MXRA7: variants seen among roughly 807,000 people sequenced by gnomAD.
MXRA7 encodes matrix remodeling associated 7.
MXRA7 carries 18 observed loss-of-function variants against 17.4 expected under a neutral mutation model. The observed-to-expected ratio is 1.03, with a 90% confidence interval of 0.71 to 1.53. The LOEUF (loss-of-function observed/expected upper bound fraction) is 1.53. Ranked by LOEUF, MXRA7 falls within the 40% of genes most tolerant of loss-of-function variation. The pLI is 0.00. For missense variants in MXRA7, 141 were observed against 209.3 expected, an observed-to-expected ratio of 0.67 and a Z score of 2.01; for synonymous variants, 70 against 101.7, an observed-to-expected ratio of 0.69 and a Z score of 1.87.
chr17:76,690,031 AAGG>A (rs2076462071), intron 1 of MXRA7: 1 of 151,810 alleles, frequency 6.6e-6, no homozygotes, highest in Admixed American at 6.6e-5. Flanking sequence ...AAAAAAAAAA[AAGG>A]AGGCGTTGAT....
At chr17:76,702,234 C>T (rs1020699365) in intron 1 of MXRA7, among the ~76,000 whole-genome samples, 3 of 152,214 alleles carry the variant, frequency 2.0e-5, no homozygotes, top group African/African-American at 7.2e-5. Context: ...GGGCTGGGCA[C>T]AGCAATTCAC....
intron 1 of MXRA7, chr17:76,689,550 A>G (rs1292491683): frequency 1.3e-5 from 2 of 152,248 alleles, no homozygotes; most frequent in Admixed American, 6.5e-5. Flanking sequence ...TGCACAGCAA[A>G]GTATCTCTAT....
intron 3 of MXRA7, among the ~76,000 whole-genome samples, chr17:76,682,365 G>A (rs2076316850): frequency 6.6e-6 from 1 of 152,166 alleles, no homozygotes; most frequent in Non-Finnish European, 1.5e-5. Flanking sequence ...CGGGAGGGTG[G>A]AACCTGACAG....
At chr17:76,684,171 G>A (rs939444108) in intron 3 of MXRA7, among the ~76,000 whole-genome samples, 2 of 152,158 alleles carry the variant, frequency 1.3e-5, no homozygotes, top group African/African-American at 4.8e-5. Flanking sequence ...CGGGTGGCTT[G>A]GCATGCAGCC....
Position 76,688,131 on chromosome 17 carries a change from C to G in MXRA7, c.388G>C (p.Gly130Arg), listed in dbSNP as rs752932697. 1.9e-6 allele frequency: 3 copies of G among 1,614,056 alleles called. No individual in the cohort carries two copies. The highest frequency in any genetic ancestry group is 4.5e-5 in the East Asian group (2 of 44,876). Residue 130 changes from glycine to arginine, a missense_variant, in exon 2 of 4, where the codon GGG (glycine) becomes CGG (arginine). Gly to Arg is a moderately radical substitution (Grantham distance 125). Transcript: ENST00000449428. ...LDGEKGPSSE[G>R]PEEEDGEGFS... ...CACTCACCGTCCTCCTCCTCAGGCC[C>G]TTCCGATGATGGCCCCTTCTCACCA...
At chr17:76,694,889 G>A (rs992324507) in intron 1 of MXRA7, among the ~76,000 whole-genome samples, 4 of 151,492 alleles carry the variant, frequency 2.6e-5, no homozygotes, top group African/African-American at 9.8e-5. Context: ...AATAACGGGG[G>A]CCGGGGGCCT....
At chr17:76,687,041 C>T (rs578125401) in intron 2 of MXRA7, among the ~76,000 whole-genome samples, 10 of 152,222 alleles carry the variant, frequency 6.6e-5, no homozygotes, top group Non-Finnish European at 5.9e-5. Flanking sequence ...GCCTCCCTCC[C>T]GTGTCCCCAA....
chr17:76,696,416 G>T (rs922711492), intron 1 of MXRA7, among the ~76,000 whole-genome samples: 1 of 152,136 alleles, frequency 6.6e-6, no homozygotes, highest in Non-Finnish European at 1.5e-5. Context: ...AGATACTTCG[G>T]AGGCTGAGGT....
rs780808295 is a variant in MXRA7, at chr17:76,688,274, G to C, written c.343-98C>G. 4 of 1,553,596 alleles carry C rather than the reference G, an allele frequency of 2.6e-6. No homozygotes were observed. The South Asian group carries it at 3.6e-5, about 14-fold the overall frequency. On this transcript the variant is annotated intron_variant, in intron 1 of 3. Coordinates refer to ENST00000449428, the MANE Select transcript of MXRA7 (RefSeq NM_198530.4). ...AGGGGAGACAGAGGAGGCCCTCGAA[G>C]GTCCAGCCTGCCCACGCCCTGTGGC...
At chr17:76,696,166 G>A (rs1489350061) in intron 1 of MXRA7, among the ~76,000 whole-genome samples, 1 of 152,064 alleles carries the variant, frequency 6.6e-6, no homozygotes, top group Non-Finnish European at 1.5e-5. Flanking sequence ...TCATATACAG[G>A]ACACTAAAGC....
intron 1 of MXRA7, among the ~76,000 whole-genome samples, chr17:76,693,532 T>C (rs899569344): frequency 6.9e-6 from 1 of 145,136 alleles, no homozygotes; most frequent in African/African-American, 2.6e-5. Context: ...TTGTGTGTGG[T>C]AGAGTTAGAT....
chr17:76,710,512 G>A (rs377700826), intron 1 of MXRA7, 93 bp downstream of exon 1: 4 of 1,070,866 alleles, frequency 3.7e-6, no homozygotes, highest in Non-Finnish European at 2.3e-6. Context: ...CTGGGCTGGA[G>A]GCCGCGGCCC....
At chr17:76,703,781 C>G (rs547620660) in intron 1 of MXRA7, 15 of 151,972 alleles carry the variant, frequency 9.9e-5, no homozygotes, top group African/African-American at 3.4e-4. Context: ...AAAACTGGAG[C>G]TGATGCCTGG....
intron 1 of MXRA7, among the ~76,000 whole-genome samples, chr17:76,702,738 A>G (rs1017096): frequency 0.46 from 68,558 of 150,538 alleles, 15,739 homozygotes; most frequent in Admixed American, 0.48. Context: ...TGTAATCCCA[A>G]CTATTTGGGA....
intron 1 of MXRA7, among the ~76,000 whole-genome samples, chr17:76,698,294 C>T (rs1195981929): frequency 6.6e-6 from 1 of 152,150 alleles, no homozygotes; most frequent in Non-Finnish European, 1.5e-5. Flanking sequence ...CTCCACAGTG[C>T]CTGACAATGC....
intron 1 of MXRA7, among the ~76,000 whole-genome samples, chr17:76,690,803 G>A (rs956466465): frequency 2.0e-5 from 3 of 152,090 alleles, no homozygotes; most frequent in Admixed American, 2.0e-4. Context: ...GACCTCCAGG[G>A]CTCAAGCGAT....
At chr17:76,695,997 A>AGGGAG (rs2076529867) in intron 1 of MXRA7, among the ~76,000 whole-genome samples, 1 of 152,094 alleles carries the variant, frequency 6.6e-6, no homozygotes, top group Admixed American at 6.6e-5. Context: ...TGGGAGGCTG[A>AGGGAG]GGGAGGAGAA....
At position 76,693,359 on chromosome 17, in the gene MXRA7, G is replaced by A. The variant is rs548133348; in HGVS notation, c.343-5183C>T. On this transcript the variant is annotated intron_variant, in intron 1 of 3. Coordinates refer to ENST00000449428, the MANE Select transcript of MXRA7 (RefSeq NM_198530.4). ...GGTGCACGACTGCTTCAGCTACTTG[G>A]GAGGCTGAGGCAGGAGAATCGTTGG... Among the ~76,000 whole-genome samples the A allele has an allele frequency of 2.8e-3, 432 of 151,890 alleles. 4 individuals carry two copies. Among genetic ancestry groups the A allele is most frequent in the Admixed American group, 4.5e-3 (68 of 15,238 alleles).
chr17:76,699,488 T>C (rs1487646304), intron 1 of MXRA7, among the ~76,000 whole-genome samples: 1 of 152,148 alleles, frequency 6.6e-6, no homozygotes, highest in Non-Finnish European at 1.5e-5. Context: ...AACTTCATAA[T>C]GTGTTTCCTG....
Sources: allele counts gnomAD v4.1 joint callset (sites outside exome capture counted in the v4.1 genomes callset), GRCh38; gene constraint gnomAD v4.1.1; transcripts MANE v1.5; gene names NCBI Gene and HGNC (gene_info 2026-07-23, HGNC 2026-07-21).